Variants in ASTN1 observed in about 807,000 individuals in gnomAD.
ASTN1 encodes the protein astrotactin-1.
Under a neutral mutation model 140.7 loss-of-function variants are expected in ASTN1, and 41 were observed. That is an observed-to-expected ratio of 0.29 (90% CI 0.23 to 0.38). The LOEUF is 0.38. ASTN1 is among the 10% of genes least tolerant of loss of function. The probability of loss-of-function intolerance (pLI) is 1.00; values close to 1 mark genes in which losing one functional copy is unlikely to be tolerated. For missense variants in ASTN1, 1,479 were observed against 1,678.8 expected, an observed-to-expected ratio of 0.88 and a Z score of 2.08; for synonymous variants, 640 against 652.2, an observed-to-expected ratio of 0.98 and a Z score of 0.29.
chr1:176,928,085 ATATC>A (rs1252838429), intron 16 of ASTN1, among the ~76,000 whole-genome samples: 2 of 150,528 alleles, frequency 1.3e-5, no homozygotes, highest in Non-Finnish European at 3.0e-5. Flanking sequence ...TTACATATAA[ATATC>A]TATATTTTGA....
chr1:177,001,293 C>G (rs1674717567), intron 8 of ASTN1, among the ~76,000 whole-genome samples: 1 of 152,148 alleles, frequency 6.6e-6, no homozygotes, highest in South Asian at 2.1e-4. Flanking sequence ...TTACTCTAAA[C>G]TCAAATGCCA....
chr1:176,880,835 T>C (rs534252219), intron 20 of ASTN1, among the ~76,000 whole-genome samples: 23 of 152,302 alleles, frequency 1.5e-4, no homozygotes, highest in African/African-American at 5.5e-4. Flanking sequence ...CTGGGGCGGT[T>C]ACTCCGTTTT....
chr1:177,163,819 G>A (rs1218206673), intron 1 of ASTN1, among the ~76,000 whole-genome samples: 2 of 152,186 alleles, frequency 1.3e-5, no homozygotes, highest in Middle Eastern at 3.2e-3. Context: ...AACAGCTGGG[G>A]GATAAGAAAC....
At chr1:177,013,396 C>T (rs1675388251) in intron 8 of ASTN1, among the ~76,000 whole-genome samples, 1 of 152,204 alleles carries the variant, frequency 6.6e-6, no homozygotes, top group African/African-American at 2.4e-5. Flanking sequence ...GGGCATCTAT[C>T]ATGCCTTGAC....
intron 1 of ASTN1, among the ~76,000 whole-genome samples, chr1:177,089,833 G>A (rs1315088189): frequency 6.6e-6 from 1 of 152,122 alleles, no homozygotes; most frequent in African/African-American, 2.4e-5. Context: ...AAATAGAAAT[G>A]AGAAGTCACT....
At chr1:176,980,412 C>T (rs949331682) in intron 8 of ASTN1, among the ~76,000 whole-genome samples, 1 of 152,202 alleles carries the variant, frequency 6.6e-6, no homozygotes, top group East Asian at 1.9e-4. Context: ...GAGTTCGATG[C>T]TGCTGGAGTC....
At position 177,052,048 on chromosome 1, in the gene ASTN1, C is replaced by T. The variant is rs551735313; in HGVS notation, c.471+9030G>A. On this transcript the variant is annotated intron_variant, in intron 2 of 22. Coordinates refer to ENST00000361833, the MANE Select transcript of ASTN1 (RefSeq NM_004319.3). ...TCAATTATCATCCTAAATCATAAGA[C>T]GCCTGGTGGGAAACCCTGTAAACAA... is the stretch of plus-strand genomic sequence containing the variant. 7.2e-5 allele frequency among the ~76,000 whole-genome samples: 11 copies of T among 152,220 alleles called. 1 individual carries two copies. The highest frequency in any genetic ancestry group is 6.8e-3 in the Middle Eastern group (2 of 294).
At chr1:176,994,236 G>T (rs983997984) in intron 8 of ASTN1, among the ~76,000 whole-genome samples, 1 of 151,892 alleles carries the variant, frequency 6.6e-6, no homozygotes, top group Non-Finnish European at 1.5e-5. Context: ...CCTGTTTATA[G>T]TACGTCCTGT....
intron 1 of ASTN1, among the ~76,000 whole-genome samples, chr1:177,067,612 A>T (rs1262451823): frequency 6.6e-6 from 1 of 152,214 alleles, no homozygotes; most frequent in African/African-American, 2.4e-5. Flanking sequence ...CTTTGTAAGA[A>T]AATAACCTGC....
rs77353924 is a variant in ASTN1, at chr1:176,998,833, T to A, written c.1523+15958A>T. Among the ~76,000 whole-genome samples, 1,202 of 152,312 alleles carry A rather than the reference T, an allele frequency of 7.9e-3. 14 individuals carry two copies. Among genetic ancestry groups the A allele is most frequent in the African/African-American group, 0.027 (1,120 of 41,566 alleles). Reference sequence around the variant, plus strand: ...CCAGGCGGCACCGTGACGGTTTTAGTGCATGGACTCCAGTCAGAATGCCTA... The same window carrying A: ...CCAGGCGGCACCGTGACGGTTTTAGAGCATGGACTCCAGTCAGAATGCCTA... On this transcript the variant is annotated intron_variant, in intron 8 of 22. Coordinates refer to ENST00000361833, the MANE Select transcript of ASTN1 (RefSeq NM_004319.3).
chr1:176,858,757 A>C (rs1185272866), downstream of ASTN1, among the ~76,000 whole-genome samples: 2 of 152,264 alleles, frequency 1.3e-5, no homozygotes, highest in African/African-American at 2.4e-5. Context: ...CTGGCCAACC[A>C]CACTCTCTCT....
Position 176,949,185 on chromosome 1 carries a change from C to T in ASTN1, c.2054G>A (p.Gly685Glu). ...TGGCCTCGCTGGCAGCTCAACTCAC[C>T]CACAGAACATGAGGATGTTATACAA... ...PTLYNILMFCGCIEDYKLGVD... is the reference protein window; with the variant it reads ...PTLYNILMFCECIEDYKLGVD... Residue 685 changes from glycine (G) to glutamate (E), a missense_variant and splice_region_variant, in exon 12 of 23, where the codon GGG (glycine) becomes GAG (glutamate). Gly to Glu is a moderately conservative substitution (Grantham distance 98). This residue lies in a region of ASTN1 where 746 missense variants were observed against 800.9 expected (regional missense o/e 0.93). Transcript: ENST00000361833. 1 of 1,613,702 alleles carries T rather than the reference C, an allele frequency of 6.2e-7. No individual in the cohort carries two copies. The highest frequency in any genetic ancestry group is 1.3e-5 in the African/African-American group (1 of 75,024).
intron 16 of ASTN1, among the ~76,000 whole-genome samples, chr1:176,896,572 G>C (rs752559544): frequency 5.3e-5 from 8 of 152,136 alleles, no homozygotes; most frequent in Non-Finnish European, 8.8e-5. Context: ...AGCGAGTGCG[G>C]GTGGGGTGAG....
Position 176,862,308 on chromosome 1 carries a change from T to C in ASTN1, c.*1976A>G, listed in dbSNP as rs1415343009. 2 of 985,394 alleles carry C rather than the reference T, an allele frequency of 2.0e-6. No homozygotes were observed. Among genetic ancestry groups the C allele is most frequent in the African/African-American group, 1.7e-5 (1 of 57,246 alleles). The allele number at this position is 985,394 out of a possible 1,614,324, so 61.0% of individuals were successfully genotyped here. Reference sequence around the variant, plus strand: ...AGGAGAGAGGAGAGTGAAACCACCCTGTGCTTTATCTCAGCCTCATCACAG... The same window carrying C: ...AGGAGAGAGGAGAGTGAAACCACCCCGTGCTTTATCTCAGCCTCATCACAG... On this transcript the variant is annotated 3_prime_UTR_variant, in exon 23 of 23. Coordinates refer to ENST00000361833, the MANE Select transcript of ASTN1 (RefSeq NM_004319.3).
At chr1:176,892,705 G>T (rs1292892863) in intron 17 of ASTN1, among the ~76,000 whole-genome samples, 2 of 152,158 alleles carry the variant, frequency 1.3e-5, no homozygotes, top group Admixed American at 1.3e-4. Flanking sequence ...GTCAGAAAAT[G>T]GACCCAATGA....
At chr1:176,980,760 C>T (rs1673575553) in intron 8 of ASTN1, among the ~76,000 whole-genome samples, 1 of 152,176 alleles carries the variant, frequency 6.6e-6, no homozygotes, top group East Asian at 1.9e-4. Flanking sequence ...CTTTTAGGAA[C>T]ATGACAGCCT....
chr1:177,057,438 T>C (rs558655133), intron 2 of ASTN1, among the ~76,000 whole-genome samples: 24 of 152,264 alleles, frequency 1.6e-4, no homozygotes, highest in African/African-American at 5.8e-4. Flanking sequence ...ATATGCAAAA[T>C]ATAGAAATAA....
At chr1:176,987,975 C>T (rs898050520) in intron 8 of ASTN1, among the ~76,000 whole-genome samples, 1 of 152,118 alleles carries the variant, frequency 6.6e-6, no homozygotes, top group African/African-American at 2.4e-5. Flanking sequence ...CAAAGTTTCT[C>T]ATCTGGAAAA....
chr1:176,928,290 C>G (rs1330290133), intron 16 of ASTN1, among the ~76,000 whole-genome samples: 1 of 151,994 alleles, frequency 6.6e-6, no homozygotes, highest in Non-Finnish European at 1.5e-5. Context: ...AACAGGATTA[C>G]TGGGAAATAA....
Sources: allele counts gnomAD v4.1 joint callset (sites outside exome capture counted in the v4.1 genomes callset), GRCh38; gene constraint gnomAD v4.1.1; regional missense constraint gnomAD v4.1.1; transcripts MANE v1.5; gene names NCBI Gene and HGNC (gene_info 2026-07-23, HGNC 2026-07-21).